TRPM3: variants seen among roughly 807,000 people sequenced by gnomAD.
The protein encoded by TRPM3 is transient receptor potential cation channel subfamily M member 3.
TRPM3 carries 77 observed loss-of-function variants against 181.2 expected under a neutral mutation model. The ratio of observed to expected loss-of-function variants is 0.42; its 90% CI spans 0.35 to 0.51. The LOEUF (loss-of-function observed/expected upper bound fraction) is 0.51, where lower values mean the gene tolerates loss of function less well. Ranked by LOEUF, TRPM3 falls within the 20% of genes least tolerant of loss-of-function variation. The pLI is 0.01. For missense variants in TRPM3, 1,759 were observed against 2,196.7 expected (o/e 0.80, Z 3.98); for synonymous variants, 745 against 796.4 (o/e 0.94, Z 1.09).
At chr9:71,162,577 G>A (rs1306208491) in intron 1 of TRPM3, among the ~76,000 whole-genome samples, 1 of 152,102 alleles carries the variant, frequency 6.6e-6, no homozygotes, top group African/African-American at 2.4e-5. Flanking sequence ...AAGAGGATTT[G>A]AGAATCAAAA....
intron 9 of TRPM3, among the ~76,000 whole-genome samples, chr9:70,654,746 G>A (rs941132575): frequency 6.6e-5 from 10 of 150,790 alleles, no homozygotes; most frequent in Non-Finnish European, 1.2e-4. Flanking sequence ...GCAGTGGCGC[G>A]ATCTTGGCTC....
intron 1 of TRPM3, among the ~76,000 whole-genome samples, chr9:71,133,586 C>T (rs2074516217): frequency 6.6e-6 from 1 of 152,160 alleles, no homozygotes; most frequent in South Asian, 2.1e-4. Context: ...GCGTGAGCCA[C>T]TGCGCCCGGC....
At chr9:70,759,019 G>C (rs1323990535) in intron 8 of TRPM3, among the ~76,000 whole-genome samples, 1 of 152,114 alleles carries the variant, frequency 6.6e-6, no homozygotes, top group Non-Finnish European at 1.5e-5. Flanking sequence ...CATAGCAAAA[G>C]AAACTATCAT....
intron 1 of TRPM3, among the ~76,000 whole-genome samples, chr9:70,935,773 A>G (rs915386137): frequency 2.8e-4 from 42 of 152,206 alleles, no homozygotes; most frequent in Admixed American, 1.0e-3. Context: ...GTGAACATTT[A>G]AAAAAGAAGT....
chr9:70,914,286 G>A (rs2096568326), intron 1 of TRPM3, among the ~76,000 whole-genome samples: 1 of 152,182 alleles, frequency 6.6e-6, no homozygotes, highest in Non-Finnish European at 1.5e-5. Context: ...TATTTTGGAA[G>A]CAGAGATTCC....
At chr9:70,943,080 G>C (rs1303334763) in intron 1 of TRPM3, among the ~76,000 whole-genome samples, 2 of 151,930 alleles carry the variant, frequency 1.3e-5, no homozygotes, top group Non-Finnish European at 2.9e-5. Flanking sequence ...TGGCAGTTTG[G>C]CAATGTCATT....
intron 1 of TRPM3, among the ~76,000 whole-genome samples, chr9:71,086,853 A>G (rs1228579541): frequency 6.6e-6 from 1 of 152,024 alleles, no homozygotes; most frequent in Non-Finnish European, 1.5e-5. Context: ...GTGAGGCACC[A>G]TTTCATGTAC....
intron 1 of TRPM3, among the ~76,000 whole-genome samples, chr9:71,361,180 T>A (rs2092128962): frequency 6.6e-6 from 1 of 152,072 alleles, no homozygotes; most frequent in Non-Finnish European, 1.5e-5. Context: ...AGAAACAGGG[T>A]TTCACCATGT....
At chr9:71,083,295 C>T (rs946118982) in intron 1 of TRPM3, among the ~76,000 whole-genome samples, 9 of 152,116 alleles carry the variant, frequency 5.9e-5, no homozygotes, top group South Asian at 2.1e-4. Context: ...GACATCATCT[C>T]GTGAAATGCT....
chr9:71,075,478 C>T (rs1313048332), intron 1 of TRPM3, among the ~76,000 whole-genome samples: 1 of 152,164 alleles, frequency 6.6e-6, no homozygotes, highest in Non-Finnish European at 1.5e-5. Context: ...CTTCTCTATG[C>T]AAACTTGTTC....
chr9:71,275,586 TATG>T lies in TRPM3; in HGVS notation c.183+171064_183+171066del, dbSNP rs1371874358. 3.3e-5 allele frequency among the ~76,000 whole-genome samples: 5 copies of T among 152,094 alleles called. No homozygotes were observed. The East Asian group carries it at 9.6e-4, about 29-fold the overall frequency. ...ACTGCTTCTATAATATGTAGGGAATTATGAAGTTCCAATAGTTATACATACTAA... is the reference window on the plus strand; with the variant it reads ...ACTGCTTCTATAATATGTAGGGAATTAAGTTCCAATAGTTATACATACTAA... On this transcript the variant is annotated intron_variant, in intron 1 of 24. Coordinates refer to the TRPM3 transcript ENST00000357533.
chr9:71,229,963 G>C (rs1464213679), intron 1 of TRPM3, among the ~76,000 whole-genome samples: 2 of 152,042 alleles, frequency 1.3e-5, no homozygotes, highest in Non-Finnish European at 2.9e-5. Flanking sequence ...AAATAAAAGA[G>C]ATAGCTGCAC....
chr9:71,231,219 G>A (rs542584597), intron 1 of TRPM3, among the ~76,000 whole-genome samples: 31 of 152,156 alleles, frequency 2.0e-4, no homozygotes, highest in Non-Finnish European at 3.7e-4. Flanking sequence ...GAGGTGGGGA[G>A]ATTATGCTAG....
chr9:70,953,990 G>A (rs2097034883), intron 1 of TRPM3, among the ~76,000 whole-genome samples: 1 of 152,074 alleles, frequency 6.6e-6, no homozygotes, highest in Admixed American at 6.6e-5. Context: ...TCTCAGGCTG[G>A]GGCATCAGAA....
At chr9:70,574,222 A>G (rs1564389415) in intron 22 of TRPM3, among the ~76,000 whole-genome samples, 1 of 152,146 alleles carries the variant, frequency 6.6e-6, no homozygotes, top group Non-Finnish European at 1.5e-5. Flanking sequence ...TCAAATCCTT[A>G]CACTGGCCTA....
chr9:71,410,842 C>T (rs373072567), intron 1 of TRPM3, among the ~76,000 whole-genome samples: 52 of 152,116 alleles, frequency 3.4e-4, no homozygotes, highest in African/African-American at 1.1e-3. Flanking sequence ...TGAACATTGA[C>T]GCAAAAATCC....
intron 1 of TRPM3, among the ~76,000 whole-genome samples, chr9:71,267,716 C>G (rs112406172): frequency 1.3e-5 from 2 of 152,114 alleles, no homozygotes; most frequent in African/African-American, 4.8e-5. Flanking sequence ...TTTTAAATGC[C>G]CAGCCACACA....
At chr9:70,984,630 T>A (rs7875469) in intron 1 of TRPM3, among the ~76,000 whole-genome samples, 20,569 of 152,022 alleles carry the variant, frequency 0.14, 1,537 homozygotes, top group African/African-American at 0.2. Flanking sequence ...GGGGAGAAAG[T>A]GATGTAACAA....
intron 11 of TRPM3, among the ~76,000 whole-genome samples, chr9:70,636,286 T>TAAA (rs77492938): frequency 2.3e-5 from 3 of 133,322 alleles, no homozygotes; most frequent in African/African-American, 8.2e-5. Context: ...ATTAAAAATG[T>TAAA]AAAAAAAAAA....
Sources: allele counts gnomAD v4.1 joint callset (sites outside exome capture counted in the v4.1 genomes callset), GRCh38; gene constraint gnomAD v4.1.1; transcripts MANE v1.5; gene names NCBI Gene and HGNC (gene_info 2026-07-23, HGNC 2026-07-21).